The following UBA6 variants were observed in gnomAD, a reference collection of about 807,000 sequenced individuals.
UBA6 encodes ubiquitin like modifier activating enzyme 6.
Under a neutral mutation model 148.3 loss-of-function variants are expected in UBA6, and 87 were observed. That is an observed-to-expected ratio of 0.59 (90% CI 0.49 to 0.70). The LOEUF (loss-of-function observed/expected upper bound fraction) is 0.70, where lower values mean the gene tolerates loss of function less well. Among genes scored for constraint, UBA6 ranks in the 30% least tolerant of loss-of-function variants. The pLI is 0.00. For synonymous variants in UBA6, 376 were observed against 401.0 expected (o/e 0.94, Z 0.75); for missense variants, 1,186 against 1,241.2 (o/e 0.96, Z 0.67).
intron 2 of UBA6, among the ~76,000 whole-genome samples, chr4:67,691,479 A>G (rs1730692369): frequency 6.6e-6 from 1 of 152,204 alleles, no homozygotes; most frequent in South Asian, 2.1e-4. Flanking sequence ...ATCTGGTTAA[A>G]GCACATGTGA....
rs1730459166 is a variant in UBA6 at position 67,682,192 on chromosome 4, T to C, written c.156A>G (p.Gly52=). The C allele has an allele frequency of 6.2e-7, 1 of 1,613,542 alleles. No individual in the cohort carries two copies. The highest frequency in any genetic ancestry group is 1.3e-5 in the African/African-American group (1 of 74,882). Residue 52 remains glycine (G), a synonymous_variant, in exon 3 of 33, where the codon GGA becomes GGG. Transcript: ENST00000322244. Reference sequence around the variant, plus strand: ...TGGCCATCTTCTGCATTGCTGTGTCTCCAAGAACGTACCTCTGTCGACTAC... The same window carrying C: ...TGGCCATCTTCTGCATTGCTGTGTCCCCAAGAACGTACCTCTGTCGACTAC... ...ALYSRQRYVL[G]DTAMQKMAKS...
At chr4:67,650,630 G>A (rs1429763141) in intron 13 of UBA6, among the ~76,000 whole-genome samples, 1 of 152,128 alleles carries the variant, frequency 6.6e-6, no homozygotes, top group Non-Finnish European at 1.5e-5. Flanking sequence ...AAGACAGATT[G>A]CAAACTCCAT....
At chr4:67,665,410 A>C in intron 9 of UBA6, 118 bp from the exon 10 acceptor site, 1 of 543,108 alleles carries the variant, frequency 1.8e-6, no homozygotes, top group South Asian at 2.7e-5. Context: ...ATTCCAGCAT[A>C]GTGTTTTTTT....
At chr4:67,643,230 C>A (rs1296502280) in intron 17 of UBA6, among the ~76,000 whole-genome samples, 8 of 151,628 alleles carry the variant, frequency 5.3e-5, no homozygotes, top group Admixed American at 3.3e-4. Context: ...AAAAAAAATT[C>A]TATTATTGGT....
intron 1 of UBA6, among the ~76,000 whole-genome samples, 173 bp downstream of exon 1, chr4:67,700,876 C>T (rs1490222607): frequency 6.6e-6 from 1 of 152,226 alleles, no homozygotes; most frequent in Admixed American, 6.5e-5. Context: ...ACAGCAGAGG[C>T]CCTAGCCCAC....
rs13123627 is a variant in UBA6, at chr4:67,680,257, T to A, written c.258+1306A>T. ...ATCATCACTGCCCCTAATGAAATAA[T>A]GAATCTAGGCAATAATAATTAACAG... On this transcript the variant is annotated intron_variant, in intron 4 of 32. Coordinates refer to ENST00000322244, the MANE Select transcript of UBA6 (RefSeq NM_018227.6). Among the ~76,000 whole-genome samples, 6 of 152,072 alleles carry A rather than the reference T, an allele frequency of 3.9e-5. 2 individuals are homozygous for A. The highest frequency in any genetic ancestry group is 1.4e-4 in the African/African-American group (6 of 41,500).
chr4:67,660,806 A>G (rs755534534), intron 13 of UBA6, among the ~76,000 whole-genome samples: 6 of 152,170 alleles, frequency 3.9e-5, no homozygotes, highest in Non-Finnish European at 7.4e-5. Flanking sequence ...GCAACACTCA[A>G]TGCCAACTCA....
chr4:67,678,503 G>C lies in UBA6; in HGVS notation c.289C>G (p.Gln97Glu). ...AAGTTGGTTCCTAGATCCCATGCTT[G>C]GCATTTTTCTGTATCATGAATTGTA... is the stretch of plus-strand genomic sequence containing the variant. ...AVTIHDTEKC[Q>E]AWDLGTNFFL... Residue 97 changes from glutamine (Q) to glutamate (E), a missense_variant, in exon 5 of 33, where the codon CAA (glutamine) becomes GAA (glutamate). Gln to Glu is a conservative substitution (Grantham distance 29). Transcript: ENST00000322244. 6.3e-7 allele frequency: 1 copy of C among 1,594,946 alleles called. No individual in the cohort carries two copies. The highest frequency in any genetic ancestry group is 8.6e-7 in the Non-Finnish European group (1 of 1,168,814).
chr4:67,645,856 T>TA (rs1414305678), intron 16 of UBA6, 82 bp downstream of exon 16: 1 of 785,220 alleles, frequency 1.3e-6, no homozygotes, highest in Non-Finnish European at 2.0e-6. Context: ...TCTACACACT[T>TA]AGACTCAAAT....
chr4:67,694,826 G>A (rs1210619636), intron 2 of UBA6, among the ~76,000 whole-genome samples: 6 of 152,046 alleles, frequency 3.9e-5, no homozygotes, highest in Non-Finnish European at 7.4e-5. Flanking sequence ...AATTCTTAAG[G>A]AAGATATTAA....
intron 19 of UBA6, among the ~76,000 whole-genome samples, chr4:67,637,296 G>A (rs1441158974): frequency 1.4e-4 from 21 of 148,360 alleles, no homozygotes; most frequent in East Asian, 8.3e-4. Context: ...CCGGCCAGCC[G>A]CCCCGTCCGG....
intron 2 of UBA6, among the ~76,000 whole-genome samples, chr4:67,682,885 A>C (rs993189430): frequency 6.6e-6 from 1 of 152,218 alleles, no homozygotes; most frequent in Non-Finnish European, 1.5e-5. Context: ...GATATAAATA[A>C]ATAATTTCAG....
intron 32 of UBA6, among the ~76,000 whole-genome samples, chr4:67,619,931 C>T (rs1365052604): frequency 6.6e-6 from 1 of 152,186 alleles, no homozygotes; most frequent in Non-Finnish European, 1.5e-5. Flanking sequence ...ATCTACACTG[C>T]TCCTAGAATT....
rs112907147 is a variant in UBA6, at chr4:67,654,731, C to T, written c.1105-5520G>A. Among the ~76,000 whole-genome samples the T allele has an allele frequency of 6.1e-4, 92 of 151,644 alleles. 1 individual carries two copies. The highest frequency in any genetic ancestry group is 2.0e-3 in the African/African-American group (81 of 41,372). Reference sequence around the variant, plus strand: ...TGGGCTAAATACCCCAATTAAAAGACACAGACTGGCAAATTGGATAAAGAG... The same window carrying T: ...TGGGCTAAATACCCCAATTAAAAGATACAGACTGGCAAATTGGATAAAGAG... On this transcript the variant is annotated intron_variant, in intron 13 of 32. Transcript: ENST00000322244.
In UBA6 at chr4:67,645,945, A is replaced by C; in HGVS notation, c.1388T>G (p.Ile463Ser). Residue 463 changes from isoleucine (I) to serine (S), a missense_variant, in exon 16 of 33, where the codon ATC becomes AGC. Coordinates refer to ENST00000322244, the MANE Select transcript of UBA6 (RefSeq NM_018227.6). ...TLCQKLQNLN[I>S]FLVGCGAIGC... is the part of the protein sequence containing the mutation. Reference sequence around the variant, plus strand: ...ATGATTATTGATACTTACTAAGAAGATGTTTAAATTTTGCAGTTTCTGACA... The same window carrying C: ...ATGATTATTGATACTTACTAAGAAGCTGTTTAAATTTTGCAGTTTCTGACA... 6.3e-7 allele frequency: 1 copy of C among 1,583,968 alleles called. No homozygotes were observed. Among genetic ancestry groups the C allele is most frequent in the Non-Finnish European group, 8.6e-7 (1 of 1,158,604 alleles).
Position 67,687,037 on chromosome 4 carries a change from T to G in UBA6, c.135-4824A>C, listed in dbSNP as rs1437945865. Among the ~76,000 whole-genome samples, 312 of 143,504 alleles carry G rather than the reference T, an allele frequency of 2.2e-3. 2 individuals are homozygous for G. Among genetic ancestry groups the G allele is most frequent in the African/African-American group, 7.6e-3 (295 of 38,586 alleles). The allele number at this position is 143,504 out of a possible 152,430, so 94.1% of individuals were successfully genotyped here. On this transcript the variant is annotated intron_variant, in intron 2 of 32. Coordinates refer to ENST00000322244, the MANE Select transcript of UBA6 (RefSeq NM_018227.6). ...TACATAAAATCTTTAAGACTATGTT[T>G]TTTTTTTTTTTTTTTTGAGACAGAG... is the stretch of plus-strand genomic sequence containing the variant.
Position 67,616,120 on chromosome 4 carries a change from A to G in UBA6, c.*2877T>C, listed in dbSNP as rs1187368488. 4 of 396,760 alleles carry G rather than the reference A, an allele frequency of 1.0e-5. No individual in the cohort carries two copies. Among genetic ancestry groups the G allele is most frequent in the Non-Finnish European group, 4.4e-6 (1 of 224,980 alleles). 24.6% of individuals were successfully genotyped at this position (396,760 alleles called of 1,614,324 possible). On this transcript the variant is annotated 3_prime_UTR_variant, in exon 33 of 33. Transcript: ENST00000322244. Reference sequence around the variant, plus strand: ...TAGAGCAAAATGAACACATATTATCAATGGATACTTAACTCTGATCCTCAA... The same window carrying G: ...TAGAGCAAAATGAACACATATTATCGATGGATACTTAACTCTGATCCTCAA...
At chr4:67,661,611 T>C (rs1050875327) in intron 13 of UBA6, 5 of 152,382 alleles carry the variant, frequency 3.3e-5, no homozygotes, top group African/African-American at 9.7e-5. Context: ...ACTAATACAG[T>C]TCCCTCTCAT....
intron 13 of UBA6, among the ~76,000 whole-genome samples, chr4:67,659,600 A>T (rs1729789030): frequency 6.6e-6 from 1 of 152,046 alleles, no homozygotes; most frequent in Admixed American, 6.5e-5. Flanking sequence ...TAAAATACCC[A>T]AAACTGGGTA....
Sources: gnomAD v4.1 joint callset for allele counts (sites outside exome capture counted in the v4.1 genomes callset) on GRCh38, gnomAD v4.1.1 for gene constraint, MANE v1.5 for transcripts, NCBI Gene and HGNC (gene_info 2026-07-23, HGNC 2026-07-21) for gene names.